CNGB1: variants seen among roughly 807,000 people sequenced by gnomAD.
CNGB1 encodes the protein cyclic nucleotide gated channel subunit beta 1.
Under a neutral mutation model 151.7 loss-of-function variants are expected in CNGB1, and 126 were observed. That is an observed-to-expected ratio of 0.83 (90% CI 0.72 to 0.96). The LOEUF (loss-of-function observed/expected upper bound fraction) is 0.96. Ranked by LOEUF, CNGB1 falls within the 40% of genes least tolerant of loss-of-function variation. The pLI is 0.00. For synonymous variants in CNGB1, 623 were observed against 635.1 expected (o/e 0.98, Z 0.29); for missense variants, 1,698 against 1,627.0 (o/e 1.04, Z -0.75).
At position 57,919,260 on chromosome 16, in the gene CNGB1, G is replaced by A; in HGVS notation, c.1802-6C>T. The A allele has an allele frequency of 6.2e-7, 1 of 1,614,130 alleles. No homozygotes were observed. Among genetic ancestry groups the A allele is most frequent in the Non-Finnish European group, 8.5e-7 (1 of 1,180,036 alleles). On this transcript the variant is annotated splice_polypyrimidine_tract_variant and splice_region_variant and intron_variant, in intron 19 of 32. Coordinates refer to ENST00000251102, the MANE Select transcript of CNGB1 (RefSeq NM_001297.5). ...TGGGGCTTTCTTGGCTGGGGCTGTG[G>A]GATGACATTGGTGACCATCTGAACC...
intron 27 of CNGB1, among the ~76,000 whole-genome samples, chr16:57,903,254 G>A (rs957316558): frequency 1.3e-5 from 2 of 150,156 alleles, no homozygotes; most frequent in Non-Finnish European, 3.0e-5. Flanking sequence ...CACTTTGGGA[G>A]CCCGAGGCTG....
chr16:57,923,745 A>C (rs1280630656), intron 17 of CNGB1, among the ~76,000 whole-genome samples: 1 of 152,186 alleles, frequency 6.6e-6, no homozygotes, highest in African/African-American at 2.4e-5. Context: ...CAAGTAAATG[A>C]GATACTTATC....
intron 12 of CNGB1, among the ~76,000 whole-genome samples, chr16:57,952,135 T>A (rs1031647682): frequency 6.6e-6 from 1 of 152,212 alleles, no homozygotes; most frequent in Non-Finnish European, 1.5e-5. Context: ...GCAGGGGACA[T>A]CCAGGGAACA....
intron 14 of CNGB1, among the ~76,000 whole-genome samples, chr16:57,948,020 A>G (rs1368170636): frequency 2.0e-5 from 3 of 152,222 alleles, no homozygotes; most frequent in Non-Finnish European, 4.4e-5. Flanking sequence ...GTCTCAGGCC[A>G]TGGCCAGAGG....
intron 14 of CNGB1, 49 bp from the exon 15 acceptor site, chr16:57,940,370 T>G: frequency 6.5e-7 from 1 of 1,538,864 alleles, no homozygotes; most frequent in Non-Finnish European, 8.8e-7. Flanking sequence ...GGTTAGGGTG[T>G]TAAAGGTTTC....
Position 57,919,144 on chromosome 16 carries a change from G to T in CNGB1, c.1912C>A (p.Pro638Thr). The change falls in exon 20 of 33, where the codon CCC becomes ACC. Residue 638 changes from proline (P) to threonine (T), a missense_variant. Coordinates refer to ENST00000251102, the MANE Select transcript of CNGB1 (RefSeq NM_001297.5). ...DMLCCKFKHR[P>T]WKKYQFPQSI... ...TGGGGAAACTGGTACTTCTTCCAGG[G>T]GCGGTGTTTGAACTTGCAGCAGAGC... is the stretch of plus-strand genomic sequence containing the variant. The T allele has an allele frequency of 1.9e-6, 3 of 1,614,182 alleles. No individual in the cohort carries two copies. Among genetic ancestry groups the T allele is most frequent in the Non-Finnish European group, 2.5e-6 (3 of 1,180,054 alleles).
chr16:57,967,178 C>T lies in CNGB1; in HGVS notation c.109G>A (p.Val37Met), dbSNP rs552372867. ...TCCTCAGGATTCGGTTCTGGTTCCA[C>T]CTCCGCCTCCATCTCTGGCTCTGGT... ...VEPEPEMEAE[V>M]EPEPNPEEAE... The change falls in exon 2 of 33, where the codon GTG becomes ATG. Residue 37 changes from valine to methionine, a missense_variant. Val to Met is a conservative substitution (Grantham distance 21). Transcript: ENST00000251102. The T allele has an allele frequency of 4.0e-5, 65 of 1,614,198 alleles. No individual in the cohort carries two copies. The African/African-American group carries it at 4.9e-4, about 12-fold the overall frequency.
At chr16:57,953,038 T>C (rs940187077) in intron 12 of CNGB1, among the ~76,000 whole-genome samples, 9 of 152,090 alleles carry the variant, frequency 5.9e-5, no homozygotes, top group Admixed American at 5.9e-4. Flanking sequence ...AGGCAGCTGA[T>C]TCATAGCTCG....
At chr16:57,920,732 G>C (rs763317103) in intron 18 of CNGB1, among the ~76,000 whole-genome samples, 188 bp from the exon 19 acceptor site, 6 of 152,220 alleles carry the variant, frequency 3.9e-5, no homozygotes, top group Non-Finnish European at 5.9e-5. Context: ...AATTCAGTCC[G>C]GGAATAATGC....
At chr16:57,940,681 G>A (rs1319668977) in intron 14 of CNGB1, among the ~76,000 whole-genome samples, 5 of 152,168 alleles carry the variant, frequency 3.3e-5, no homozygotes, top group African/African-American at 9.7e-5. Flanking sequence ...CATGGAGGAC[G>A]GTTGGAGGAG....
At chr16:57,945,754 G>A (rs917908478) in intron 14 of CNGB1, among the ~76,000 whole-genome samples, 2 of 152,232 alleles carry the variant, frequency 1.3e-5, no homozygotes, top group Non-Finnish European at 2.9e-5. Context: ...TGGGATGAGA[G>A]AATAATAGAA....
rs201809716 is a variant in CNGB1, at chr16:57,915,243, T to C, written c.2304+6A>G. 5.6e-6 allele frequency: 9 copies of C among 1,611,954 alleles called. No homozygotes were observed. In the African/African-American group the frequency reaches 8.0e-5, roughly 14 times the overall value. On this transcript the variant is annotated splice_donor_region_variant and intron_variant, in intron 23 of 32. Coordinates refer to ENST00000251102, the MANE Select transcript of CNGB1 (RefSeq NM_001297.5). Reference sequence around the variant, plus strand: ...AGGCCTGGGGTGGTGGGCCCAGCAGTCCTACCTTTAAACAGCGGGGCAGGC... The same window carrying C: ...AGGCCTGGGGTGGTGGGCCCAGCAGCCCTACCTTTAAACAGCGGGGCAGGC...
chr16:57,907,862 ACTCCT>A (rs1960598002), intron 25 of CNGB1, among the ~76,000 whole-genome samples: 1 of 151,190 alleles, frequency 6.6e-6, no homozygotes, highest in Non-Finnish European at 1.5e-5. Flanking sequence ...GCTCTCAGGG[ACTCCT>A]CTCCTGCCTG....
Position 57,950,173 on chromosome 16 carries a change from C to T in CNGB1, c.1034+208G>A, listed in dbSNP as rs541342437. Among the ~76,000 whole-genome samples, 127 of 152,222 alleles carry T rather than the reference C, an allele frequency of 8.3e-4. 1 individual carries two copies. The highest frequency in any genetic ancestry group is 2.8e-3 in the African/African-American group (118 of 41,540). ...ACAAAAAGAAAAAAGGAGGGAGATG[C>T]GAGCTTGCATGTACCCAGACTGTCT... is the stretch of plus-strand genomic sequence containing the variant. On this transcript the variant is annotated intron_variant, in intron 13 of 32. Coordinates refer to ENST00000251102, the MANE Select transcript of CNGB1 (RefSeq NM_001297.5).
At chr16:57,914,317 T>C (rs1310586341) in intron 23 of CNGB1, among the ~76,000 whole-genome samples, 2 of 152,186 alleles carry the variant, frequency 1.3e-5, no homozygotes, top group Non-Finnish European at 2.9e-5. Context: ...GAGGCTGGTA[T>C]GTGTCAAATA....
intron 9 of CNGB1, 26 bp downstream of exon 9, chr16:57,960,456 C>G: frequency 6.2e-7 from 1 of 1,611,676 alleles, no homozygotes; most frequent in Non-Finnish European, 8.5e-7. Context: ...CCCAGGCAGC[C>G]CCCTCCCGAG....
chr16:57,912,430 C>T (rs2149362366), intron 24 of CNGB1, among the ~76,000 whole-genome samples: 1 of 152,294 alleles, frequency 6.6e-6, no homozygotes, highest in South Asian at 2.1e-4. Flanking sequence ...TCGGATATTC[C>T]TGGTTCTCTA....
In CNGB1 at chr16:57,938,042, G is replaced by C. The variant is rs540935429; in HGVS notation, c.1372+1388C>G. On this transcript the variant is annotated intron_variant, in intron 16 of 32. Transcript: ENST00000251102. Reference sequence around the variant, plus strand: ...CGAGGAGTCTGATTTAGCAGGTCTGGATCGCGGCCCAAGTTACTCATTTCT... The same window carrying C: ...CGAGGAGTCTGATTTAGCAGGTCTGCATCGCGGCCCAAGTTACTCATTTCT... Among the ~76,000 whole-genome samples the C allele has an allele frequency of 2.0e-3, 298 of 152,340 alleles. 1 individual carries two copies. The highest frequency in any genetic ancestry group is 6.5e-3 in the African/African-American group (272 of 41,574).
chr16:57,915,405 G>GACTCC, intron 22 of CNGB1, 70 bp from the exon 23 acceptor site: 16 of 1,199,542 alleles, frequency 1.3e-5, no homozygotes, highest in Non-Finnish European at 2.0e-5. Flanking sequence ...GGGAGTGAGA[G>GACTCC]GCGGAGTCTC....
Sources: gnomAD v4.1 joint callset for allele counts (sites outside exome capture counted in the v4.1 genomes callset) on GRCh38, gnomAD v4.1.1 for gene constraint, MANE v1.5 for transcripts, NCBI Gene and HGNC (gene_info 2026-07-23, HGNC 2026-07-21) for gene names.